SLC23A2: variants seen among roughly 807,000 people sequenced by gnomAD.
The protein encoded by SLC23A2 is solute carrier family 23 member 2, also known as Na(+)/L-ascorbic acid transporter 2.
SLC23A2 carries 36 observed loss-of-function variants against 73.3 expected under a neutral mutation model. The ratio of observed to expected loss-of-function variants is 0.49; its 90% CI spans 0.38 to 0.65. SLC23A2 has a LOEUF of 0.65. Ranked by LOEUF, SLC23A2 falls within the 30% of genes least tolerant of loss-of-function variation. SLC23A2 has a pLI of 0.00. For synonymous variants in SLC23A2, 343 were observed against 327.3 expected (o/e 1.05, Z -0.52); for missense variants, 507 against 841.6 (o/e 0.60, Z 4.92).
intron 2 of SLC23A2, among the ~76,000 whole-genome samples, chr20:4,968,828 C>T (rs1285362607): frequency 1.3e-5 from 2 of 150,912 alleles, no homozygotes; most frequent in African/African-American, 4.9e-5. Context: ...ATGCAATTCT[C>T]CTGCCTCAGC....
At chr20:4,878,371 G>A (rs551710557) in intron 9 of SLC23A2, among the ~76,000 whole-genome samples, 1 of 151,946 alleles carries the variant, frequency 6.6e-6, no homozygotes, top group African/African-American at 2.4e-5. Flanking sequence ...TTTTTAATAG[G>A]GATGGAGTTT....
rs534627404 is a variant in SLC23A2, at chr20:4,897,938, G to A, written c.482+1617C>T. ...CCTACAAATCCACGGATAAGTCAGC[G>A]GTTTAGAAAAAGAACATCTCCCCAG... On this transcript the variant is annotated intron_variant, in intron 6 of 16. Coordinates refer to ENST00000338244, the MANE Select transcript of SLC23A2 (RefSeq NM_005116.6). Among the ~76,000 whole-genome samples the A allele has an allele frequency of 4.6e-5, 7 of 152,222 alleles. No homozygotes were observed. In the South Asian group the frequency reaches 1.2e-3, roughly 27 times the overall value.
At chr20:4,939,413 A>G (rs2087008192) in intron 2 of SLC23A2, among the ~76,000 whole-genome samples, 1 of 152,246 alleles carries the variant, frequency 6.6e-6, no homozygotes, top group Non-Finnish European at 1.5e-5. Flanking sequence ...ACCAAGAAAG[A>G]TGAGGGAAGT....
intron 3 of SLC23A2, among the ~76,000 whole-genome samples, chr20:4,928,190 C>T (rs1444174154): frequency 6.6e-6 from 1 of 152,106 alleles, no homozygotes; most frequent in African/African-American, 2.4e-5. Flanking sequence ...CAGGCATGCA[C>T]CACCACGTCC....
intron 1 of SLC23A2, among the ~76,000 whole-genome samples, chr20:4,977,258 G>A (rs2087656592): frequency 6.6e-6 from 1 of 152,138 alleles, no homozygotes; most frequent in Non-Finnish European, 1.5e-5. Context: ...CAGCAAGATA[G>A]GCATTCTAGG....
At chr20:4,959,379 A>G (rs1219259504) in intron 2 of SLC23A2, among the ~76,000 whole-genome samples, 1 of 152,236 alleles carries the variant, frequency 6.6e-6, no homozygotes, top group African/African-American at 2.4e-5. Context: ...TTTCTTATCA[A>G]GTTAAACATA....
intron 2 of SLC23A2, among the ~76,000 whole-genome samples, chr20:4,958,128 G>A: frequency 6.6e-6 from 1 of 152,294 alleles, no homozygotes; most frequent in South Asian, 2.1e-4. Context: ...TCACATTACA[G>A]TGTGTCCTAG....
intron 2 of SLC23A2, among the ~76,000 whole-genome samples, chr20:4,938,208 G>A (rs904659144): frequency 1.3e-5 from 2 of 151,692 alleles, no homozygotes; most frequent in African/African-American, 2.4e-5. Context: ...TTGTAGAGAT[G>A]AGGTTTCACA....
intron 3 of SLC23A2, among the ~76,000 whole-genome samples, chr20:4,917,033 A>G (rs927741312): frequency 3.9e-5 from 6 of 152,216 alleles, no homozygotes; most frequent in African/African-American, 1.4e-4. Flanking sequence ...AAGCTCACAT[A>G]TTCATTCATT....
At position 4,998,327 on chromosome 20, in the gene SLC23A2, C is replaced by T. The variant is rs2088057828; in HGVS notation, c.-282+3079G>A. On this transcript the variant is annotated intron_variant, in intron 1 of 16. Coordinates refer to ENST00000338244, the MANE Select transcript of SLC23A2 (RefSeq NM_005116.6). This position sits in a 1 kb window ranked among gnomAD's most constrained non-coding sequence, Gnocchi z 4.1. ...AATATTACCCAGCACAGATCAGGCA[C>T]TCAATGTAATAAATGTATGAAAGGC... Among the ~76,000 whole-genome samples, 1 of 152,114 alleles carries T rather than the reference C, an allele frequency of 6.6e-6. No homozygotes were observed. The highest frequency in any genetic ancestry group is 2.4e-5 in the African/African-American group (1 of 41,418).
At chr20:4,926,800 G>C (rs1568627684) in intron 3 of SLC23A2, among the ~76,000 whole-genome samples, 1 of 151,692 alleles carries the variant, frequency 6.6e-6, no homozygotes, top group South Asian at 2.1e-4. Context: ...TGTTTGTGTG[G>C]GTGTTTTGTT....
chr20:5,000,213 G>A (rs34747363), intron 1 of SLC23A2, among the ~76,000 whole-genome samples: 1 of 152,088 alleles, frequency 6.6e-6, no homozygotes, highest in African/African-American at 2.4e-5. Flanking sequence ...CACCTTCAGG[G>A]GAGGCAGGCA....
chr20:5,006,959 G>C (rs937071027), intron 1 of SLC23A2, among the ~76,000 whole-genome samples: 8 of 146,664 alleles, frequency 5.5e-5, no homozygotes, highest in Non-Finnish European at 8.8e-5. Context: ...GTGTGTGTGT[G>C]TGTGTGTGTG....
intron 1 of SLC23A2, among the ~76,000 whole-genome samples, chr20:4,990,996 C>A (rs1034434836): frequency 5.3e-5 from 8 of 150,828 alleles, no homozygotes; most frequent in Non-Finnish European, 8.9e-5. Flanking sequence ...AAAAAACAAC[C>A]CACAGCATAC....
chr20:4,984,100 A>AATGG (rs2087780069), intron 1 of SLC23A2, among the ~76,000 whole-genome samples: 1 of 152,130 alleles, frequency 6.6e-6, no homozygotes, highest in Non-Finnish European at 1.5e-5. Context: ...AAGACAAGTA[A>AATGG]CCTAATTAAA....
At chr20:4,943,199 TC>T (rs2087069944) in intron 2 of SLC23A2, among the ~76,000 whole-genome samples, 1 of 152,040 alleles carries the variant, frequency 6.6e-6, no homozygotes, top group African/African-American at 2.4e-5. Context: ...TTACATTTAC[TC>T]CAAGTAGACG....
intron 2 of SLC23A2, among the ~76,000 whole-genome samples, chr20:4,940,094 G>A (rs1334156418): frequency 2.0e-5 from 3 of 152,104 alleles, no homozygotes; most frequent in Non-Finnish European, 4.4e-5. Context: ...GAAGCAGGTG[G>A]ATCACCTGAG....
chr20:4,912,052 C>T (rs755019720), intron 4 of SLC23A2, among the ~76,000 whole-genome samples: 3 of 150,184 alleles, frequency 2.0e-5, no homozygotes, highest in Non-Finnish European at 4.4e-5. Flanking sequence ...GCTACGTTGC[C>T]CAGGCTGGTC....
rs527349297 is a variant in SLC23A2 at position 5,000,776 on chromosome 20, TC to T, written c.-282+629del. 1.0e-3 allele frequency among the ~76,000 whole-genome samples: 156 copies of T among 152,122 alleles called. 1 individual carries two copies. The highest frequency in any genetic ancestry group is 3.3e-3 in the African/African-American group (136 of 41,486). On this transcript the variant is annotated intron_variant, in intron 1 of 16. Coordinates refer to ENST00000338244, the MANE Select transcript of SLC23A2 (RefSeq NM_005116.6). ...TAGTCACACTCGAAATGTCATTTTT[TC>T]CCCCCGAAAGGTGGCAAGGAGGGGG...
Sources: allele counts gnomAD v4.1 joint callset (sites outside exome capture counted in the v4.1 genomes callset), GRCh38; gene constraint gnomAD v4.1.1; non-coding constraint Gnocchi (gnomAD v3.1); transcripts MANE v1.5; gene names NCBI Gene and HGNC (gene_info 2026-07-23, HGNC 2026-07-21).